Variants in SBF2 observed in about 807,000 individuals in gnomAD.
SBF2 encodes the protein SET binding factor 2.
Under a neutral mutation model 225.2 loss-of-function variants are expected in SBF2, and 112 were observed. The ratio of observed to expected loss-of-function variants is 0.50; its 90% confidence interval spans 0.43 to 0.58. The LOEUF (loss-of-function observed/expected upper bound fraction) is 0.58, where lower values mean the gene tolerates loss of function less well. Among genes scored for constraint, SBF2 ranks in the 20% least tolerant of loss-of-function variants. The pLI, the probability that SBF2 is intolerant of heterozygous loss-of-function variation, is 0.00. For missense variants in SBF2, 1,996 were observed against 2,206.2 expected (o/e 0.90, Z 1.91); for synonymous variants, 763 against 773.3 (o/e 0.99, Z 0.22).
At chr11:10,022,366 T>G (rs1441246347) in intron 6 of SBF2, among the ~76,000 whole-genome samples, 1 of 152,224 alleles carries the variant, frequency 6.6e-6, no homozygotes, top group South Asian at 2.1e-4. Flanking sequence ...GGATAAAATC[T>G]GTATTTTGCT....
At chr11:9,820,099 A>G (rs1854666182) in intron 28 of SBF2, among the ~76,000 whole-genome samples, 1 of 152,218 alleles carries the variant, frequency 6.6e-6, no homozygotes, top group Non-Finnish European at 1.5e-5. Context: ...ATGGCAAACC[A>G]AAAATTGTGA....
At chr11:9,782,330 G>A (rs572091943) in intron 38 of SBF2, among the ~76,000 whole-genome samples, 3 of 151,822 alleles carry the variant, frequency 2.0e-5, no homozygotes, top group South Asian at 2.1e-4. Flanking sequence ...CTCAACAGGC[G>A]AGTCACAGAG....
chr11:10,002,410 T>C, intron 7 of SBF2, 147 bp downstream of exon 7: 1 of 673,066 alleles, frequency 1.5e-6, no homozygotes, highest in Non-Finnish European at 2.5e-6. Context: ...TAGACTAGAT[T>C]TTATCAGAAC....
intron 17 of SBF2, among the ~76,000 whole-genome samples, chr11:9,881,974 T>C (rs1340792651): frequency 6.6e-6 from 1 of 152,100 alleles, no homozygotes; most frequent in African/African-American, 2.4e-5. Flanking sequence ...GGTGATAGAG[T>C]GAGACCTTGT....
intron 17 of SBF2, among the ~76,000 whole-genome samples, chr11:9,859,979 G>C (rs1056299735): frequency 5.3e-5 from 8 of 152,190 alleles, no homozygotes; most frequent in African/African-American, 1.9e-4. Context: ...AAAATCAGGA[G>C]TTCTTTGAGG....
At chr11:9,797,640 C>A (rs1385718079) in intron 32 of SBF2, among the ~76,000 whole-genome samples, 1 of 152,196 alleles carries the variant, frequency 6.6e-6, no homozygotes, top group African/African-American at 2.4e-5. Context: ...GATAAGAAAT[C>A]ATGGGTTTCC....
At chr11:9,856,773 T>TA (rs1857347370) in intron 18 of SBF2, 53 bp from the exon 19 acceptor site, 5 of 1,509,514 alleles carry the variant, frequency 3.3e-6, no homozygotes, top group Non-Finnish European at 4.5e-6. Flanking sequence ...CAGGTGAGCT[T>TA]AAAAAACATA....
intron 2 of SBF2, among the ~76,000 whole-genome samples, chr11:10,167,078 G>A (rs554280296): frequency 1.4e-4 from 21 of 152,164 alleles, no homozygotes; most frequent in African/African-American, 4.8e-4. Flanking sequence ...TTTTATACTT[G>A]TACTTAATGA....
At chr11:10,217,759 T>C (rs550833510) in intron 1 of SBF2, among the ~76,000 whole-genome samples, 98 of 152,294 alleles carry the variant, frequency 6.4e-4, no homozygotes, top group Non-Finnish European at 1.1e-3. Context: ...ACCTCTGTAC[T>C]AGTCTGTTCT....
rs559814645 is a variant in SBF2 at position 9,785,484 on chromosome 11, A to G, written c.5038-166T>C. The G allele has an allele frequency of 1.5e-4, 95 of 652,728 alleles. 1 individual carries two copies. Among genetic ancestry groups the G allele is most frequent in the Middle Eastern group, 8.0e-4 (2 of 2,512 alleles). The allele number at this position is 652,728 out of a possible 1,614,324, so 40.4% of individuals were successfully genotyped here. The stretch of plus-strand genomic sequence containing the variant: ...GTTAGTTATCGTGGTAAAAAACTGG[A>G]AACAACCTACACGTCCATTATTAGG... On this transcript the variant is annotated intron_variant, in intron 36 of 39. Coordinates refer to ENST00000256190, the MANE Select transcript of SBF2 (RefSeq NM_030962.4).
In SBF2 at chr11:10,190,285, T is replaced by A. The variant is rs887542447; in HGVS notation, c.141+3617A>T. The stretch of plus-strand genomic sequence containing the variant: ...CAGGAATAGATTGTTAACCATAGAA[T>A]GCCTCTGAAAAACAATTTTCTTTGA... On this transcript the variant is annotated intron_variant, in intron 2 of 39. Coordinates refer to ENST00000256190, the MANE Select transcript of SBF2 (RefSeq NM_030962.4). Among the ~76,000 whole-genome samples the A allele has an allele frequency of 2.6e-5, 4 of 152,214 alleles. No individual in the cohort carries two copies. The East Asian group carries it at 7.7e-4, about 29-fold the overall frequency.
At chr11:9,869,864 A>C (rs796360821) in intron 17 of SBF2, among the ~76,000 whole-genome samples, 1 of 152,204 alleles carries the variant, frequency 6.6e-6, no homozygotes, top group Non-Finnish European at 1.5e-5. Flanking sequence ...GCAATCAGGC[A>C]AGAGAAAGAA....
At chr11:9,850,503 C>T (rs1856847832) in intron 21 of SBF2, among the ~76,000 whole-genome samples, 1 of 152,134 alleles carries the variant, frequency 6.6e-6, no homozygotes, top group African/African-American at 2.4e-5. Flanking sequence ...AGCAATCCAC[C>T]TGCCCCAGCC....
rs200594508 is a variant in SBF2 at position 9,816,941 on chromosome 11, T to C, written c.3877A>G (p.Lys1293Glu). The change falls in exon 29 of 40, where the codon AAG (lysine) becomes GAG (glutamate). Residue 1293 changes from lysine to glutamate, a missense_variant. Coordinates refer to ENST00000256190, the MANE Select transcript of SBF2 (RefSeq NM_030962.4). The part of the protein sequence containing the change: ...FIDVGARLAG[K>E]DHSASFSNSS... Reference sequence around the variant, plus strand: ...TTACTGAAGGAGGCCGAGTGATCCTTGCCTGCCAGCCGGGCGCCAACATCA... The same window carrying C: ...TTACTGAAGGAGGCCGAGTGATCCTCGCCTGCCAGCCGGGCGCCAACATCA... 8.9e-5 allele frequency: 143 copies of C among 1,614,070 alleles called. No individual in the cohort carries two copies. In the East Asian group the frequency reaches 8.9e-4, roughly 10 times the overall value.
At chr11:9,798,982 C>CA (rs1272031977) in intron 32 of SBF2, among the ~76,000 whole-genome samples, 1 of 148,964 alleles carries the variant, frequency 6.7e-6, no homozygotes, top group Admixed American at 6.7e-5. Context: ...AACAAACAAA[C>CA]AAAAAACTGT....
At chr11:10,212,769 C>T (rs533053286) in intron 1 of SBF2, among the ~76,000 whole-genome samples, 26 of 152,250 alleles carry the variant, frequency 1.7e-4, no homozygotes, top group South Asian at 1.7e-3. Context: ...CTGTTACTCG[C>T]GGCAGGGCGC....
At chr11:9,842,848 A>G (rs779798927) in intron 24 of SBF2, 78 bp from the exon 25 acceptor site, 98 of 1,453,476 alleles carry the variant, frequency 6.7e-5, no homozygotes, top group Non-Finnish European at 9.2e-5. Flanking sequence ...ACTTAGCTCA[A>G]ATTGTTTCTT....
At chr11:9,909,678 A>G (rs895295018) in intron 16 of SBF2, among the ~76,000 whole-genome samples, 5 of 152,000 alleles carry the variant, frequency 3.3e-5, no homozygotes, top group East Asian at 1.9e-4. Flanking sequence ...TCAAAAAAAA[A>G]AAAAAAAAAG....
chr11:10,282,810 CCCCACCA>C (rs1963502874), intron 1 of SBF2, among the ~76,000 whole-genome samples: 1 of 150,498 alleles, frequency 6.6e-6, no homozygotes, highest in Non-Finnish European at 1.5e-5. Flanking sequence ...TTTCAACAGA[CCCCACCA>C]TCTATAGAGT....
Sources: gnomAD v4.1 joint callset for allele counts (sites outside exome capture counted in the v4.1 genomes callset) on GRCh38, gnomAD v4.1.1 for gene constraint, MANE v1.5 for transcripts, NCBI Gene and HGNC (gene_info 2026-07-23, HGNC 2026-07-21) for gene names.